SLC24A2: variants seen among roughly 807,000 people sequenced by gnomAD.
SLC24A2 encodes the protein solute carrier family 24 member 2.
Under a neutral mutation model 62.0 loss-of-function variants are expected in SLC24A2, and 36 were observed. The observed-to-expected ratio is 0.58, with a 90% confidence interval of 0.44 to 0.77. SLC24A2 has a LOEUF of 0.77. Ranked by LOEUF, SLC24A2 falls within the 30% of genes least tolerant of loss-of-function variation. The pLI is 0.00. For missense variants in SLC24A2, 846 were observed against 817.9 expected (o/e 1.03, Z -0.42); for synonymous variants, 358 against 294.0 (o/e 1.22, Z -2.23).
chr9:20,292,308 T>G, the SLC24A2 span, among the ~76,000 whole-genome samples: 1 of 152,220 alleles, frequency 6.6e-6, no homozygotes, highest in Admixed American at 6.5e-5. Context: ...ATGGAAATCT[T>G]TATTCCACTA....
intron 2 of SLC24A2, among the ~76,000 whole-genome samples, chr9:19,721,622 A>G (rs1433966195): frequency 6.6e-6 from 1 of 152,170 alleles, no homozygotes; most frequent in Non-Finnish European, 1.5e-5. Context: ...AAGCATTAAA[A>G]TAGGAGGCTC....
the SLC24A2 span, among the ~76,000 whole-genome samples, chr9:20,268,332 T>C: frequency 1.3e-5 from 2 of 152,320 alleles, no homozygotes; most frequent in Non-Finnish European, 2.9e-5. Flanking sequence ...CCGAAAGTCA[T>C]GTTGAAACCT....
chr9:20,261,323 C>T, the SLC24A2 span, among the ~76,000 whole-genome samples: 5,332 of 152,204 alleles, frequency 0.035, 126 homozygotes, highest in African/African-American at 0.05. Context: ...GTTGTGGAGG[C>T]TGGGAAGTCC....
At chr9:20,109,165 T>C in the SLC24A2 span, among the ~76,000 whole-genome samples, 1 of 152,184 alleles carries the variant, frequency 6.6e-6, no homozygotes, top group East Asian at 1.9e-4. Context: ...TGGGTACGTA[T>C]ACTCTCTGAC....
At chr9:19,885,546 C>T in the SLC24A2 span, among the ~76,000 whole-genome samples, 321 of 152,280 alleles carry the variant, frequency 2.1e-3, 1 homozygote, top group African/African-American at 7.6e-3. Context: ...AGTTGTGCAG[C>T]TTGTATGTGG....
intron 7 of SLC24A2, among the ~76,000 whole-genome samples, chr9:19,562,362 T>C (rs2132808929): frequency 6.6e-6 from 1 of 152,336 alleles, no homozygotes; most frequent in South Asian, 2.1e-4. Flanking sequence ...TTAATAGCCC[T>C]TAATGTATCT....
At chr9:19,910,344 A>G in the SLC24A2 span, among the ~76,000 whole-genome samples, 1 of 152,116 alleles carries the variant, frequency 6.6e-6, no homozygotes, top group Non-Finnish European at 1.5e-5. Flanking sequence ...CTCTACTGCC[A>G]TGTTTCTATA....
At chr9:20,026,346 A>T in the SLC24A2 span, among the ~76,000 whole-genome samples, 1 of 152,228 alleles carries the variant, frequency 6.6e-6, no homozygotes, top group African/African-American at 2.4e-5. Flanking sequence ...TCTGCAATTA[A>T]ATAAGACAAT....
chr9:19,763,021 G>C (rs1399722471), intron 2 of SLC24A2, among the ~76,000 whole-genome samples: 1 of 152,030 alleles, frequency 6.6e-6, no homozygotes, highest in Non-Finnish European at 1.5e-5. Flanking sequence ...AGTTCTCCTT[G>C]AGGTGGTCCT....
chr9:20,090,170 G>A, the SLC24A2 span, among the ~76,000 whole-genome samples: 1 of 152,020 alleles, frequency 6.6e-6, no homozygotes, highest in Non-Finnish European at 1.5e-5. Flanking sequence ...ACCAGGGAGG[G>A]AACCCCTGGC....
the SLC24A2 span, among the ~76,000 whole-genome samples, chr9:20,249,704 CAAA>C: frequency 3.9e-5 from 3 of 76,552 alleles, no homozygotes; most frequent in African/African-American, 9.2e-5. Context: ...AACTCTGTCT[CAAA>C]AAAAAAAAAA....
chr9:19,881,746 A>T, the SLC24A2 span, among the ~76,000 whole-genome samples: 1 of 152,156 alleles, frequency 6.6e-6, no homozygotes, highest in Non-Finnish European at 1.5e-5. Flanking sequence ...GCACATGTCA[A>T]ATCATGTAAT....
intron 8 of SLC24A2, among the ~76,000 whole-genome samples, chr9:19,534,054 C>A (rs549444073): frequency 6.6e-6 from 1 of 152,202 alleles, no homozygotes; most frequent in Non-Finnish European, 1.5e-5. Flanking sequence ...CACAGAATGT[C>A]ATGGCTGGCA....
At chr9:20,165,579 T>C in the SLC24A2 span, among the ~76,000 whole-genome samples, 3 of 151,752 alleles carry the variant, frequency 2.0e-5, no homozygotes, top group African/African-American at 4.8e-5. Flanking sequence ...GACATTTGGG[T>C]AGACATTTGA....
chr9:19,895,259 TGGGG>T, the SLC24A2 span, among the ~76,000 whole-genome samples: 1 of 151,686 alleles, frequency 6.6e-6, no homozygotes, highest in Non-Finnish European at 1.5e-5. Flanking sequence ...GCTGAGCAAT[TGGGG>T]GCCAAAAATA....
the SLC24A2 span, among the ~76,000 whole-genome samples, chr9:19,962,844 C>G: frequency 2.0e-5 from 3 of 152,104 alleles, no homozygotes; most frequent in Non-Finnish European, 4.4e-5. Context: ...ATTGAATACC[C>G]TTTATTTCCT....
intron 2 of SLC24A2, among the ~76,000 whole-genome samples, chr9:19,649,767 C>T (rs993257489): frequency 2.6e-5 from 4 of 152,210 alleles, no homozygotes; most frequent in Non-Finnish European, 5.9e-5. Flanking sequence ...TAACTACTGG[C>T]ACAGAAAGAA....
chr9:19,674,609 C>A (rs192559123), intron 2 of SLC24A2, among the ~76,000 whole-genome samples: 68 of 152,202 alleles, frequency 4.5e-4, no homozygotes, highest in Admixed American at 1.3e-3. Flanking sequence ...AATTTGAAAA[C>A]CTTGTCTTTG....
At chr9:19,839,830 A>G in the SLC24A2 span, among the ~76,000 whole-genome samples, 1 of 152,158 alleles carries the variant, frequency 6.6e-6, no homozygotes, top group Non-Finnish European at 1.5e-5. Context: ...TGAAAAATTC[A>G]CCTAGTGATG....
Sources: allele counts gnomAD v4.1 joint callset (sites outside exome capture counted in the v4.1 genomes callset), GRCh38; gene constraint gnomAD v4.1.1; transcripts MANE v1.5; gene names NCBI Gene and HGNC (gene_info 2026-07-23, HGNC 2026-07-21).